Variants in ANKS1B observed in about 807,000 individuals in gnomAD.
The protein encoded by ANKS1B is ankyrin repeat and sterile alpha motif domain-containing protein 1B.
In ANKS1B, 36 loss-of-function variants were observed where a neutral mutation model predicts 148.3. The observed-to-expected ratio is 0.24, with a 90% CI of 0.19 to 0.32. ANKS1B has a LOEUF of 0.32. Among genes scored for constraint, ANKS1B ranks in the 10% least tolerant of loss-of-function variants. ANKS1B has a pLI of 1.00. For synonymous variants in ANKS1B, 542 were observed against 560.8 expected (o/e 0.97, Z 0.47); for missense variants, 1,157 against 1,542.6 (o/e 0.75, Z 4.19).
At chr12:98,885,247 G>C (rs1234352989) in intron 17 of ANKS1B, among the ~76,000 whole-genome samples, 1 of 152,120 alleles carries the variant, frequency 6.6e-6, no homozygotes, top group Non-Finnish European at 1.5e-5. Flanking sequence ...AGTTCCAACA[G>C]TAACCACTCA....
chr12:99,322,926 C>A (rs1159689342), intron 12 of ANKS1B, among the ~76,000 whole-genome samples: 1 of 152,134 alleles, frequency 6.6e-6, no homozygotes, highest in African/African-American at 2.4e-5. Context: ...TCTCTCTTGC[C>A]TGCCACCATG....
chr12:99,411,891 T>C (rs1247511681), intron 11 of ANKS1B, among the ~76,000 whole-genome samples: 1 of 152,222 alleles, frequency 6.6e-6, no homozygotes, highest in Non-Finnish European at 1.5e-5. Context: ...CTACAGTTCA[T>C]TGTCCTAAAG....
At chr12:99,649,336 A>G in intron 9 of ANKS1B, 1 of 1,614,186 alleles carries the variant, frequency 6.2e-7, no homozygotes, top group Non-Finnish European at 8.5e-7. Flanking sequence ...CAGAATCAGT[A>G]GACTTCACAT....
intron 12 of ANKS1B, among the ~76,000 whole-genome samples, chr12:99,275,182 C>T (rs570122105): frequency 1.2e-4 from 19 of 152,156 alleles, no homozygotes; most frequent in African/African-American, 4.6e-4. Context: ...AGTATTTATC[C>T]ATTCTTTGTT....
intron 9 of ANKS1B, among the ~76,000 whole-genome samples, chr12:99,620,101 C>A (rs561369162): frequency 1.3e-4 from 20 of 152,270 alleles, no homozygotes; most frequent in South Asian, 4.1e-4. Flanking sequence ...CCAATATAAA[C>A]CCTGCCAACA....
intron 25 of ANKS1B, among the ~76,000 whole-genome samples, chr12:98,761,189 C>T (rs1393616450): frequency 3.3e-5 from 5 of 152,196 alleles, no homozygotes; most frequent in African/African-American, 1.2e-4. Context: ...GCTATCCTAC[C>T]TTCATTGCTC....
chr12:99,359,379 G>C (rs12580615), intron 12 of ANKS1B, among the ~76,000 whole-genome samples: 3 of 151,502 alleles, frequency 2.0e-5, no homozygotes, highest in Admixed American at 6.6e-5. Flanking sequence ...TATTCTCCAG[G>C]GTTCATTGCT....
intron 17 of ANKS1B, among the ~76,000 whole-genome samples, chr12:99,041,082 G>T (rs2099958648): frequency 6.6e-6 from 1 of 152,168 alleles, no homozygotes; most frequent in African/African-American, 2.4e-5. Flanking sequence ...TCTGCTAGCT[G>T]AAACCTGTCC....
chr12:99,235,571 C>T (rs1003128732), intron 14 of ANKS1B, among the ~76,000 whole-genome samples: 7 of 152,108 alleles, frequency 4.6e-5, no homozygotes, highest in African/African-American at 1.7e-4. Flanking sequence ...TGTTGCTAGG[C>T]TGGTTCGTTG....
chr12:99,222,380 A>G (rs1348046593), intron 14 of ANKS1B, among the ~76,000 whole-genome samples: 2 of 152,114 alleles, frequency 1.3e-5, no homozygotes, highest in Non-Finnish European at 2.9e-5. Flanking sequence ...TTGGGAAGCC[A>G]AGGCAGGTGG....
At chr12:99,055,886 A>G (rs1350074864) in intron 16 of ANKS1B, among the ~76,000 whole-genome samples, 1 of 152,206 alleles carries the variant, frequency 6.6e-6, no homozygotes, top group Non-Finnish European at 1.5e-5. Context: ...ATTGGAAAAT[A>G]AAAAAATAAA....
At chr12:99,772,108 A>C (rs2063250605) in intron 8 of ANKS1B, among the ~76,000 whole-genome samples, 1 of 152,130 alleles carries the variant, frequency 6.6e-6, no homozygotes, top group Non-Finnish European at 1.5e-5. Flanking sequence ...CTACAGGACA[A>C]AAAGTAGGTT....
At position 98,884,822 on chromosome 12, in the gene ANKS1B, AAAAG is replaced by A. The variant is rs2099735467; in HGVS notation, c.2779-52690_2779-52687del. Among the ~76,000 whole-genome samples the A allele has an allele frequency of 4.0e-5, 6 of 151,486 alleles. No individual in the cohort carries two copies. The South Asian group carries it at 1.2e-3, about 32-fold the overall frequency. On this transcript the variant is annotated intron_variant, in intron 17 of 26. Transcript: ENST00000683438. ...CTCCGTCTCAAAAAAAAAAAAAAAAAAAAGAAACTATCTATTTGGGGAGTCTCTC... is the reference window on the plus strand; with the variant it reads ...CTCCGTCTCAAAAAAAAAAAAAAAAAAAACTATCTATTTGGGGAGTCTCTC...
intron 14 of ANKS1B, among the ~76,000 whole-genome samples, chr12:99,226,359 T>C (rs1369802289): frequency 2.0e-5 from 3 of 152,194 alleles, no homozygotes; most frequent in Non-Finnish European, 4.4e-5. Flanking sequence ...CAACATTTGC[T>C]TGTGTTAAAA....
chr12:99,588,142 GAAA>G (rs60518350), intron 9 of ANKS1B, among the ~76,000 whole-genome samples: 1 of 145,224 alleles, frequency 6.9e-6, no homozygotes, highest in Admixed American at 6.9e-5. Context: ...TCTGGAAACA[GAAA>G]AAAAAAACAG....
At chr12:99,807,248 C>T (rs1183776743) in intron 3 of ANKS1B, among the ~76,000 whole-genome samples, 3 of 152,104 alleles carry the variant, frequency 2.0e-5, no homozygotes, top group Admixed American at 1.3e-4. Context: ...TATAAAAGTA[C>T]CTTTTTGAAA....
chr12:99,762,412 C>T (rs10431411), intron 8 of ANKS1B, among the ~76,000 whole-genome samples: 30,997 of 151,116 alleles, frequency 0.21, 3,382 homozygotes, highest in Non-Finnish European at 0.25. Flanking sequence ...ATCTAATCTT[C>T]CACAAAAATA....
chr12:99,746,437 T>C (rs2060599862), intron 8 of ANKS1B, among the ~76,000 whole-genome samples: 1 of 152,192 alleles, frequency 6.6e-6, no homozygotes, highest in Non-Finnish European at 1.5e-5. Context: ...TTTGCAGTTT[T>C]CATTGCTTGT....
chr12:99,909,680 CTTTG>C (rs921188833), intron 1 of ANKS1B, among the ~76,000 whole-genome samples: 2 of 152,088 alleles, frequency 1.3e-5, no homozygotes, highest in African/African-American at 2.4e-5. Context: ...ATGCCTCAAA[CTTTG>C]TTTTTCTTTC....
Sources: allele counts gnomAD v4.1 joint callset (sites outside exome capture counted in the v4.1 genomes callset), GRCh38; gene constraint gnomAD v4.1.1; transcripts MANE v1.5; gene names NCBI Gene and HGNC (gene_info 2026-07-23, HGNC 2026-07-21).